TRAPPC1: variants seen among roughly 807,000 people sequenced by gnomAD.
TRAPPC1 encodes the protein trafficking protein particle complex subunit 1.
In TRAPPC1, 10 loss-of-function variants were observed where a neutral mutation model predicts 17.2. The observed-to-expected ratio is 0.58, with a 90% CI of 0.36 to 0.99. TRAPPC1 has a LOEUF of 0.99. Ranked by LOEUF, TRAPPC1 falls within the 50% of genes least tolerant of loss-of-function variation. The pLI is 0.01. For missense variants in TRAPPC1, 163 were observed against 184.4 expected (o/e 0.88, Z 0.67); for synonymous variants, 85 against 74.5 (o/e 1.14, Z -0.72).
At position 7,931,716 on chromosome 17, in the gene TRAPPC1, G is replaced by A. The variant is rs760667537; in HGVS notation, c.99+15C>T. 6.2e-7 allele frequency: 1 copy of A among 1,612,792 alleles called. No individual in the cohort carries two copies. The highest frequency in any genetic ancestry group is 2.2e-5 in the East Asian group (1 of 44,862). ...ATGAGAGGTCGCCCGGGCTGCACCG[G>A]GGCCCTCTCGTCACCTCCTCCTTGG... On this transcript the variant is annotated intron_variant, in intron 1 of 3. Coordinates refer to ENST00000303731, the MANE Select transcript of TRAPPC1 (RefSeq NM_021210.5).
chr17:7,931,959 C>T (rs867205497), upstream of TRAPPC1: 3 of 762,250 alleles, frequency 3.9e-6, 1 homozygote, highest in Middle Eastern at 6.6e-4. Context: ...TCCGAGTGCC[C>T]GTCAAGAGTT....
rs758200467 is a variant in TRAPPC1, at chr17:7,930,596, G to A, written c.*10C>T. The A allele has an allele frequency of 6.2e-7, 1 of 1,614,008 alleles. No individual in the cohort carries two copies. The highest frequency in any genetic ancestry group is 2.2e-5 in the East Asian group (1 of 44,878). On this transcript the variant is annotated 3_prime_UTR_variant, in exon 4 of 4. Coordinates refer to ENST00000303731, the MANE Select transcript of TRAPPC1 (RefSeq NM_021210.5). ...GACATGAATTCTCCTGAGACTTGAG[G>A]TAGGTTGCTTCAGCCAGCCCGGGCG...
Position 7,931,897 on chromosome 17 carries a change from C to A in TRAPPC1, c.-68G>T. 1 of 1,364,906 alleles carries A rather than the reference C, an allele frequency of 7.3e-7. No homozygotes were observed. The highest frequency in any genetic ancestry group is 1.2e-5 in the South Asian group (1 of 85,918). The allele number at this position is 1,364,906 out of a possible 1,614,324, so 84.5% of individuals were successfully genotyped here. On this transcript the variant is annotated 5_prime_UTR_variant, in exon 1 of 4. Coordinates refer to ENST00000303731, the MANE Select transcript of TRAPPC1 (RefSeq NM_021210.5). ...ACTCCTTGGGCTCGGGTTCCCGGACCCACAGCCTTCCAACCAGGTGGGGAC... is the reference window on the plus strand; with the variant it reads ...ACTCCTTGGGCTCGGGTTCCCGGACACACAGCCTTCCAACCAGGTGGGGAC...
chr17:7,930,977 CT>C, intron 3 of TRAPPC1, 33 bp downstream of exon 3: 1 of 1,611,060 alleles, frequency 6.2e-7, no homozygotes, highest in Non-Finnish European at 8.5e-7. Flanking sequence ...TTCTGAAGAG[CT>C]CTGGGGGATG....
chr17:7,930,490 G>A lies in TRAPPC1; in HGVS notation c.*116C>T. 7.3e-7 allele frequency: 1 copy of A among 1,375,614 alleles called. No homozygotes were observed. The highest frequency in any genetic ancestry group is 1.2e-5 in the South Asian group (1 of 81,016). The allele number at this position is 1,375,614 out of a possible 1,614,324, so 85.2% of individuals were successfully genotyped here. ...GAGCATCAGGGCAGGCCTTTAGGCT[G>A]TTGCTCTGGGCAGGGGGTGGGGGTG... On this transcript the variant is annotated 3_prime_UTR_variant, in exon 4 of 4. Coordinates refer to ENST00000303731, the MANE Select transcript of TRAPPC1 (RefSeq NM_021210.5).
At chr17:7,931,698 G>A in intron 1 of TRAPPC1, 33 bp downstream of exon 1, 1 of 1,601,970 alleles carries the variant, frequency 6.2e-7, no homozygotes, top group Non-Finnish European at 8.6e-7. Context: ...GAGATGAGAG[G>A]TCGCCCGGGC....
In TRAPPC1 at chr17:7,931,905, T is replaced by C; in HGVS notation, c.-76A>G. The stretch of plus-strand genomic sequence containing the variant: ...GGCTCGGGTTCCCGGACCCACAGCC[T>C]TCCAACCAGGTGGGGACCCCACCCA... On this transcript the variant is annotated 5_prime_UTR_variant, in exon 1 of 4. Coordinates refer to ENST00000303731, the MANE Select transcript of TRAPPC1 (RefSeq NM_021210.5). 1 of 1,315,220 alleles carries C rather than the reference T, an allele frequency of 7.6e-7. No homozygotes were observed. The highest frequency in any genetic ancestry group is 1.2e-5 in the South Asian group (1 of 84,914). The allele number at this position is 1,315,220 out of a possible 1,614,324, so 81.5% of individuals were successfully genotyped here.
At chr17:7,931,269 TGAGTA>T (rs1273331652) in intron 2 of TRAPPC1, 120 bp from the exon 3 acceptor site, 7 of 1,333,168 alleles carry the variant, frequency 5.3e-6, no homozygotes, top group Non-Finnish European at 7.1e-6. Flanking sequence ...GAAGCCTGGT[TGAGTA>T]AAGACATCGC....
Position 7,930,512 on chromosome 17 carries a change from G to T in TRAPPC1, c.*94C>A, listed in dbSNP as rs1306130520. On this transcript the variant is annotated 3_prime_UTR_variant, in exon 4 of 4. Transcript: ENST00000303731. ...GCTGTTGCTCTGGGCAGGGGGTGGG[G>T]GTGCGGGGGCTTACAGTGGGGGCCC... is the stretch of plus-strand genomic sequence containing the variant. 4 of 1,537,128 alleles carry T rather than the reference G, an allele frequency of 2.6e-6. No individual in the cohort carries two copies. The East Asian group carries it at 9.1e-5, about 35-fold the overall frequency.
In TRAPPC1 at chr17:7,930,419, G is replaced by A. The variant is rs1043747615; in HGVS notation, c.*187C>T. 2.5e-5 allele frequency: 16 copies of A among 647,494 alleles called. No individual in the cohort carries two copies. Among genetic ancestry groups the A allele is most frequent in the Non-Finnish European group, 4.0e-5 (15 of 378,360 alleles). 40.1% of individuals were successfully genotyped at this position (647,494 alleles called of 1,614,324 possible). A position where few individuals can be genotyped will look rare whatever the true frequency, so the allele number is the denominator to read the frequency against. On this transcript the variant is annotated 3_prime_UTR_variant, in exon 4 of 4. Transcript: ENST00000303731. ...GGGGATAAAACTGGAGAGAGGGCCT[G>A]GTGTGGAGGTGGAGGGACTCTGTGG...
At chr17:7,931,622 G>C in intron 1 of TRAPPC1, 46 bp from the exon 2 acceptor site, 1 of 869,900 alleles carries the variant, frequency 1.1e-6, no homozygotes, top group Non-Finnish European at 1.9e-6. Context: ...TGCGGGAGAT[G>C]GGGTGGGGGG....
At chr17:7,931,654 A>T in intron 1 of TRAPPC1, 77 bp downstream of exon 1, 1 of 1,516,556 alleles carries the variant, frequency 6.6e-7, no homozygotes, top group Admixed American at 1.7e-5. Context: ...TGGGGTTTGG[A>T]GAGGAGGGGC....
At chr17:7,930,933 G>C in intron 3 of TRAPPC1, 78 bp downstream of exon 3, 1 of 1,561,942 alleles carries the variant, frequency 6.4e-7, no homozygotes, top group Non-Finnish European at 8.7e-7. Flanking sequence ...ACATATAGTA[G>C]GATTGGGGCA....
Position 7,930,770 on chromosome 17 carries a change from A to G in TRAPPC1, c.310-36T>C, listed in dbSNP as rs762565885. Reference sequence around the variant, plus strand: ...GGAAGATGTTAGAGCCAGGCTTTGGATACTTCTGGTTTTTAGCCCCAAACC... The same window carrying G: ...GGAAGATGTTAGAGCCAGGCTTTGGGTACTTCTGGTTTTTAGCCCCAAACC... On this transcript the variant is annotated intron_variant, in intron 3 of 3. Coordinates refer to ENST00000303731, the MANE Select transcript of TRAPPC1 (RefSeq NM_021210.5). 2.5e-6 allele frequency: 4 copies of G among 1,608,132 alleles called. 1 individual carries two copies. The South Asian group carries it at 3.3e-5, about 13-fold the overall frequency.
chr17:7,931,169 G>T lies in TRAPPC1; in HGVS notation c.171-20C>A. On this transcript the variant is annotated intron_variant, in intron 2 of 3. Coordinates refer to ENST00000303731, the MANE Select transcript of TRAPPC1 (RefSeq NM_021210.5). The stretch of plus-strand genomic sequence containing the variant: ...TCCTTCCTGCAGAGATGAGGAGGGT[G>T]TTAAAGAATGGGAGCAGAATCTCTC... 1 of 1,612,738 alleles carries T rather than the reference G, an allele frequency of 6.2e-7. No homozygotes were observed. The highest frequency in any genetic ancestry group is 8.5e-7 in the Non-Finnish European group (1 of 1,179,362).
chr17:7,931,646 G>C, intron 1 of TRAPPC1, 70 bp from the exon 2 acceptor site: 1 of 1,521,828 alleles, frequency 6.6e-7, no homozygotes, highest in Non-Finnish European at 9.1e-7. Flanking sequence ...GAACGAGCTG[G>C]GGTTTGGAGA....
chr17:7,930,653 C>T lies in TRAPPC1; in HGVS notation c.391G>A (p.Asp131Asn). The T allele has an allele frequency of 6.2e-7, 1 of 1,614,168 alleles. No individual in the cohort carries two copies. Among genetic ancestry groups the T allele is most frequent in the Middle Eastern group, 1.6e-4 (1 of 6,062 alleles). Residue 131 changes from aspartate to asparagine, a missense_variant, in exon 4 of 4, where the codon GAC becomes AAC. Asp to Asn is a conservative substitution (Grantham distance 23). Coordinates refer to ENST00000303731, the MANE Select transcript of TRAPPC1 (RefSeq NM_021210.5). The part of the protein sequence containing the change: ...VQSELFRSRL[D>N]SYVRSLPFFS... ...AAGGGCAGAGAGCGAACATAGGAGT[C>T]CAGTCGGGAGCGAAAGAGCTCACTT... is the stretch of plus-strand genomic sequence containing the variant.
In TRAPPC1 at chr17:7,931,852, C is replaced by T; in HGVS notation, c.-23G>A. 3.1e-6 allele frequency: 5 copies of T among 1,604,730 alleles called. No homozygotes were observed. The highest frequency in any genetic ancestry group is 4.3e-6 in the Non-Finnish European group (5 of 1,171,458). On this transcript the variant is annotated 5_prime_UTR_variant, in exon 1 of 4. Transcript: ENST00000303731. ...CATCTGCAGGGCAGGGAGTGTGAGC[C>T]TCGCTCCGGGGCCGCCCCCACTCCT...
At position 7,931,119 on chromosome 17, in the gene TRAPPC1, G is replaced by T. The variant is rs1363786542; in HGVS notation, c.201C>A (p.Ser67Arg). 6.2e-7 allele frequency: 1 copy of T among 1,614,032 alleles called. No individual in the cohort carries two copies. Among genetic ancestry groups the T allele is most frequent in the African/African-American group, 1.3e-5 (1 of 74,964 alleles). Residue 67 changes from serine (S) to arginine (R), a missense_variant, in exon 3 of 4, where the codon AGC becomes AGA. Coordinates refer to ENST00000303731, the MANE Select transcript of TRAPPC1 (RefSeq NM_021210.5). ...MKDGFLAFQT[S>R]RYKLHYYETP... Reference sequence around the variant, plus strand: ...TCTCGTAGTAATGGAGTTTGTAACGGCTAGTTTGGAAGGCCAGGAAGCCAT... The same window carrying T: ...TCTCGTAGTAATGGAGTTTGTAACGTCTAGTTTGGAAGGCCAGGAAGCCAT...
Sources: allele counts gnomAD v4.1 joint callset, GRCh38; gene constraint gnomAD v4.1.1; transcripts MANE v1.5; gene names NCBI Gene and HGNC (gene_info 2026-07-23, HGNC 2026-07-21).